Variants in ANO3 observed in about 807,000 individuals in gnomAD.
ANO3 encodes anoctamin-3.
ANO3 carries 99 observed loss-of-function variants against 144.8 expected under a neutral mutation model. The ratio of observed to expected loss-of-function variants is 0.68; its 90% CI spans 0.58 to 0.81. ANO3 has a LOEUF of 0.81. ANO3 is among the 30% of genes least tolerant of loss of function. The pLI is 0.00. For missense variants in ANO3, 905 were observed against 1,202.2 expected, an observed-to-expected ratio of 0.75 and a Z score of 3.66; for synonymous variants, 414 against 392.6, an observed-to-expected ratio of 1.05 and a Z score of -0.64.
chr11:26,467,981 G>A (rs780727678), intron 4 of ANO3, among the ~76,000 whole-genome samples: 5 of 151,818 alleles, frequency 3.3e-5, no homozygotes, highest in African/African-American at 9.6e-5. Context: ...GGTAAATATC[G>A]TCTTTTCTTG....
intron 1 of ANO3, among the ~76,000 whole-genome samples, chr11:26,434,961 G>T (rs143486952): frequency 6.6e-6 from 1 of 152,076 alleles, no homozygotes; most frequent in Non-Finnish European, 1.5e-5. Flanking sequence ...GTTGAGTTCA[G>T]GTCCTGAATA....
intron 1 of ANO3, among the ~76,000 whole-genome samples, chr11:26,439,399 G>A (rs1858430747): frequency 6.6e-6 from 1 of 152,216 alleles, no homozygotes; most frequent in Non-Finnish European, 1.5e-5. Context: ...TCATGCAGTG[G>A]GAGAAAATAG....
intron 26 of ANO3, among the ~76,000 whole-genome samples, chr11:26,657,407 G>A (rs545630066): frequency 1.3e-5 from 2 of 152,006 alleles, no homozygotes; most frequent in African/African-American, 4.8e-5. Context: ...TAAGAGTTAA[G>A]GCATATTTCC....
chr11:26,220,629 C>T (rs1276959416), intron 1 of ANO3, among the ~76,000 whole-genome samples: 2 of 152,326 alleles, frequency 1.3e-5, no homozygotes, highest in East Asian at 3.9e-4. Context: ...TTGGAGGAGA[C>T]AATATCTGCC....
intron 5 of ANO3, among the ~76,000 whole-genome samples, chr11:26,513,054 A>T (rs969680198): frequency 6.6e-5 from 10 of 152,172 alleles, no homozygotes; most frequent in African/African-American, 1.9e-4. Flanking sequence ...AATGAAAGTA[A>T]AAATACTATA....
chr11:26,397,489 A>T (rs1230726884), intron 1 of ANO3, among the ~76,000 whole-genome samples: 1 of 152,246 alleles, frequency 6.6e-6, no homozygotes, highest in South Asian at 2.1e-4. Flanking sequence ...AAAAATGGGA[A>T]TGAAGTTCTC....
chr11:26,453,880 C>T (rs902818525), intron 3 of ANO3, among the ~76,000 whole-genome samples: 45 of 152,016 alleles, frequency 3.0e-4, no homozygotes, highest in African/African-American at 8.2e-4. Context: ...AACAAACTCC[C>T]GGACCACAGT....
At chr11:26,460,379 C>G (rs1859344175) in intron 3 of ANO3, among the ~76,000 whole-genome samples, 2 of 120,306 alleles carry the variant, frequency 1.7e-5, no homozygotes, top group Admixed American at 2.2e-4. Flanking sequence ...AGATATTATG[C>G]TGACTTCTCC....
At chr11:26,217,788 T>G (rs1429720107) in intron 1 of ANO3, among the ~76,000 whole-genome samples, 1 of 152,020 alleles carries the variant, frequency 6.6e-6, no homozygotes, top group African/African-American at 2.4e-5. Flanking sequence ...TTTAAACATG[T>G]TAAATTTAAA....
intron 17 of ANO3, among the ~76,000 whole-genome samples, chr11:26,614,638 G>C (rs914859708): frequency 6.6e-6 from 1 of 152,122 alleles, no homozygotes; most frequent in East Asian, 1.9e-4. Flanking sequence ...GAGGCCTGTG[G>C]GGATTAGGGG....
chr11:26,311,930 A>G (rs936594738), intron 1 of ANO3, among the ~76,000 whole-genome samples: 6 of 152,218 alleles, frequency 3.9e-5, no homozygotes, highest in Non-Finnish European at 7.3e-5. Flanking sequence ...TACATGTGCC[A>G]CGTTGGTGTG....
intron 20 of ANO3, 63 bp downstream of exon 20, chr11:26,635,133 G>C (rs76879695): frequency 7.0e-7 from 1 of 1,438,250 alleles, no homozygotes; most frequent in African/African-American, 1.4e-5. Flanking sequence ...TACTGCGGGA[G>C]GAAGGGAGCT....
intron 1 of ANO3, among the ~76,000 whole-genome samples, chr11:26,316,814 T>G (rs1303359697): frequency 6.6e-6 from 1 of 152,200 alleles, no homozygotes; most frequent in African/African-American, 2.4e-5. Context: ...CCTCACTGAC[T>G]GCATGTCCGT....
At position 26,201,645 on chromosome 11, in the gene ANO3, G is replaced by A. The variant is rs937090700; in HGVS notation, c.154+12315G>A. Among the ~76,000 whole-genome samples the A allele has an allele frequency of 4.6e-5, 7 of 151,998 alleles. No homozygotes were observed. In the South Asian group the frequency reaches 8.3e-4, roughly 18 times the overall value. On this transcript the variant is annotated intron_variant, in intron 1 of 27. Transcript: ENST00000672621. ...AATAAATAACAAGTGAATCATAAGT[G>A]GATTTGCAATATGTTCAAGAATATA... is the stretch of plus-strand genomic sequence containing the variant.
intron 1 of ANO3, among the ~76,000 whole-genome samples, chr11:26,361,063 G>T (rs1186915957): frequency 6.6e-6 from 1 of 152,026 alleles, no homozygotes; most frequent in Non-Finnish European, 1.5e-5. Context: ...TTTTATACTT[G>T]GTTTCCAGGA....
Position 26,649,736 on chromosome 11 carries a change from C to CA in ANO3, c.2576+1890dup, listed in dbSNP as rs201783585. 9.7e-3 allele frequency among the ~76,000 whole-genome samples: 1,389 copies of CA among 143,630 alleles called. 11 individuals are homozygous for CA. The highest frequency in any genetic ancestry group is 0.014 in the Non-Finnish European group (872 of 63,676). The allele number at this position is 143,630 out of a possible 152,430, so 94.2% of individuals were successfully genotyped here. A position where few individuals can be genotyped will look rare whatever the true frequency, so the allele number is the denominator to read the frequency against. On this transcript the variant is annotated intron_variant, in intron 24 of 26. Coordinates refer to ENST00000256737, the MANE Select transcript of ANO3 (RefSeq NM_031418.4). ...TGGACGACAGGGCAAAATTTCGTCT[C>CA]AAAAAAAAAATATATATTCATAGCC... is the stretch of plus-strand genomic sequence containing the variant.
chr11:26,658,092 C>T lies in ANO3; in HGVS notation c.2763+1611C>T, dbSNP rs542812266. ...CCCAGTGTTTTTCTTCTAGTGGTTT[C>T]ATAGTTTCAGGACTTACACTTGTCT... On this transcript the variant is annotated intron_variant, in intron 26 of 26. Transcript: ENST00000256737. 3.3e-5 allele frequency among the ~76,000 whole-genome samples: 5 copies of T among 152,242 alleles called. No individual in the cohort carries two copies. In the East Asian group the frequency reaches 7.7e-4, roughly 24 times the overall value.
At chr11:26,609,032 C>A (rs910209579) in intron 17 of ANO3, among the ~76,000 whole-genome samples, 113 of 152,298 alleles carry the variant, frequency 7.4e-4, no homozygotes, top group African/African-American at 2.6e-3. Flanking sequence ...AGAATCTATG[C>A]AGCTCCATGG....
At chr11:26,456,968 C>T (rs1032631558) in intron 3 of ANO3, among the ~76,000 whole-genome samples, 7 of 150,446 alleles carry the variant, frequency 4.7e-5, no homozygotes, top group East Asian at 2.0e-4. Flanking sequence ...AGTAAACTAT[C>T]GCAACAACAA....
Sources: gnomAD v4.1 joint callset for allele counts (sites outside exome capture counted in the v4.1 genomes callset) on GRCh38, gnomAD v4.1.1 for gene constraint, MANE v1.5 for transcripts, NCBI Gene and HGNC (gene_info 2026-07-23, HGNC 2026-07-21) for gene names.